The following SMCHD1 variants were observed in gnomAD, a reference collection of about 807,000 sequenced individuals.
SMCHD1 encodes structural maintenance of chromosomes flexible hinge domain containing 1, also known as structural maintenance of chromosomes flexible hinge domain-containing protein 1.
SMCHD1 carries 78 observed loss-of-function variants against 254.7 expected under a neutral mutation model. The ratio of observed to expected loss-of-function variants is 0.31; its 90% confidence interval spans 0.26 to 0.37. The LOEUF is 0.37. Among genes scored for constraint, SMCHD1 ranks in the 10% least tolerant of loss-of-function variants. The probability of loss-of-function intolerance (pLI) is 1.00; values close to 1 mark genes in which losing one functional copy is unlikely to be tolerated. For missense variants in SMCHD1, 1,840 were observed against 2,408.1 expected (o/e 0.76, Z 4.94); for synonymous variants, 766 against 794.9 (o/e 0.96, Z 0.61).
intron 8 of SMCHD1, among the ~76,000 whole-genome samples, chr18:2,695,739 TC>T (rs1411661331): frequency 6.6e-6 from 1 of 152,230 alleles, no homozygotes; most frequent in Non-Finnish European, 1.5e-5. Context: ...TAAAAATGTA[TC>T]TTTTTACATT....
intron 1 of SMCHD1, among the ~76,000 whole-genome samples, chr18:2,659,227 C>T (rs764644974): frequency 1.6e-4 from 24 of 152,156 alleles, no homozygotes; most frequent in Non-Finnish European, 3.1e-4. Context: ...AAGTGATTCT[C>T]CTGCCTCGGC....
intron 24 of SMCHD1, among the ~76,000 whole-genome samples, chr18:2,731,154 A>G (rs1324116442): frequency 6.6e-6 from 1 of 152,244 alleles, no homozygotes; most frequent in African/African-American, 2.4e-5. Context: ...TGTGCCTGAC[A>G]TTCCATGAGG....
At chr18:2,678,398 T>C (rs747303134) in intron 5 of SMCHD1, among the ~76,000 whole-genome samples, 5 of 151,812 alleles carry the variant, frequency 3.3e-5, no homozygotes, top group African/African-American at 7.3e-5. Flanking sequence ...CCTCCTGGGT[T>C]CCAGCGATTC....
intron 1 of SMCHD1, among the ~76,000 whole-genome samples, chr18:2,662,200 T>G (rs202024241): frequency 0.075 from 8,020 of 106,524 alleles, 543 homozygotes; most frequent in Non-Finnish European, 0.094. Flanking sequence ...AATAAATAAA[T>G]AAAGAAAGAA....
At chr18:2,662,160 C>A (rs537026925) in intron 1 of SMCHD1, among the ~76,000 whole-genome samples, 2 of 96,990 alleles carry the variant, frequency 2.1e-5, no homozygotes, top group Non-Finnish European at 3.9e-5. Context: ...AGCGAGACTC[C>A]GTCTCAAAAA....
At chr18:2,682,748 T>G (rs2073962365) in intron 5 of SMCHD1, among the ~76,000 whole-genome samples, 1 of 152,256 alleles carries the variant, frequency 6.6e-6, no homozygotes, top group Non-Finnish European at 1.5e-5. Context: ...ATTTTTGGAC[T>G]TTGATGTAAA....
intron 42 of SMCHD1, among the ~76,000 whole-genome samples, chr18:2,777,417 C>T (rs1310677946): frequency 1.3e-5 from 2 of 152,232 alleles, no homozygotes; most frequent in Non-Finnish European, 2.9e-5. Flanking sequence ...AGCTGCCTTC[C>T]TCATATGTGT....
intron 28 of SMCHD1, among the ~76,000 whole-genome samples, chr18:2,741,993 A>G (rs1345123553): frequency 6.6e-6 from 1 of 152,134 alleles, no homozygotes; most frequent in Non-Finnish European, 1.5e-5. Context: ...GAAGAGTTGT[A>G]TGTTTTCACA....
At chr18:2,740,089 C>G (rs1028534574) in intron 27 of SMCHD1, among the ~76,000 whole-genome samples, 4 of 151,520 alleles carry the variant, frequency 2.6e-5, no homozygotes, top group African/African-American at 9.8e-5. Flanking sequence ...CCCCTAGCCC[C>G]GACTCCCCGA....
chr18:2,682,961 C>T (rs1176420761), intron 5 of SMCHD1, among the ~76,000 whole-genome samples: 3 of 152,128 alleles, frequency 2.0e-5, no homozygotes, highest in Non-Finnish European at 4.4e-5. Flanking sequence ...GCCTTACTTG[C>T]TGTGATAGAG....
intron 5 of SMCHD1, among the ~76,000 whole-genome samples, chr18:2,674,830 T>C (rs2073704045): frequency 6.6e-6 from 1 of 152,220 alleles, no homozygotes; most frequent in Non-Finnish European, 1.5e-5. Flanking sequence ...CATAACCTGC[T>C]TTGTTCTTTA....
intron 34 of SMCHD1, among the ~76,000 whole-genome samples, chr18:2,755,346 A>T (rs72864697): frequency 7.9e-5 from 12 of 151,518 alleles, no homozygotes; most frequent in Non-Finnish European, 1.8e-4. Flanking sequence ...TTGATTTTTT[A>T]ATTTTTGTGG....
At chr18:2,770,701 C>A (rs1039777427) in intron 39 of SMCHD1, among the ~76,000 whole-genome samples, 3 of 152,076 alleles carry the variant, frequency 2.0e-5, no homozygotes, top group Non-Finnish European at 2.9e-5. Flanking sequence ...ACTCACTGCA[C>A]CCTCTGCCTC....
chr18:2,723,580 A>G (rs980301415), intron 20 of SMCHD1, among the ~76,000 whole-genome samples: 1 of 152,196 alleles, frequency 6.6e-6, no homozygotes, highest in African/African-American at 2.4e-5. Flanking sequence ...CAAGTGAGTC[A>G]AAGAACAGGG....
intron 3 of SMCHD1, among the ~76,000 whole-genome samples, chr18:2,668,822 A>G (rs1171031698): frequency 6.6e-6 from 1 of 151,766 alleles, no homozygotes; most frequent in Non-Finnish European, 1.5e-5. Context: ...TTCAGTTCTA[A>G]TTTTTCTTGA....
intron 37 of SMCHD1, among the ~76,000 whole-genome samples, chr18:2,766,604 A>G (rs1002174095): frequency 6.6e-6 from 1 of 152,234 alleles, no homozygotes; most frequent in Admixed American, 6.5e-5. Flanking sequence ...ACACTGGTCT[A>G]GAGCACAACC....
chr18:2,738,132 T>TA (rs1250926238), intron 25 of SMCHD1, among the ~76,000 whole-genome samples: 1 of 152,224 alleles, frequency 6.6e-6, no homozygotes, highest in Non-Finnish European at 1.5e-5. Context: ...GCCACAGTGA[T>TA]ACTTTTGTGG....
At chr18:2,791,881 C>G (rs2076172302) in intron 45 of SMCHD1, among the ~76,000 whole-genome samples, 1 of 152,118 alleles carries the variant, frequency 6.6e-6, no homozygotes, top group Non-Finnish European at 1.5e-5. Flanking sequence ...CAGTATCCAG[C>G]TTAGTACTAA....
At chr18:2,773,099 A>G (rs2076010917) in intron 41 of SMCHD1, among the ~76,000 whole-genome samples, 1 of 152,238 alleles carries the variant, frequency 6.6e-6, no homozygotes, top group South Asian at 2.1e-4. Context: ...AACTTCACAA[A>G]TATACTGTCC....
Sources: gnomAD v4.1 joint callset for allele counts (sites outside exome capture counted in the v4.1 genomes callset) on GRCh38, gnomAD v4.1.1 for gene constraint, MANE v1.5 for transcripts, NCBI Gene and HGNC (gene_info 2026-07-23, HGNC 2026-07-21) for gene names.